Variants in EXD3 observed in about 807,000 individuals in gnomAD.
EXD3 encodes exonuclease mut-7 homolog.
A neutral mutation model predicts 98.0 loss-of-function variants in EXD3; 92 were observed. The ratio of observed to expected loss-of-function variants is 0.94; its 90% CI spans 0.79 to 1.12. EXD3 has a LOEUF of 1.12. EXD3 is among the 50% of genes most tolerant of loss of function. The probability of loss-of-function intolerance (pLI) is 0.00; values close to 1 mark genes in which losing one functional copy is unlikely to be tolerated. For synonymous variants in EXD3, 569 were observed against 526.0 expected, an observed-to-expected ratio of 1.08 and a Z score of -1.12; for missense variants, 1,222 against 1,191.6, an observed-to-expected ratio of 1.03 and a Z score of -0.38.
intron 12 of EXD3, 34 bp downstream of exon 12, chr9:137,352,032 C>T: frequency 6.3e-7 from 1 of 1,582,880 alleles, no homozygotes; most frequent in Non-Finnish European, 8.6e-7. Flanking sequence ...GGGATCCCAC[C>T]ACCGGGCGCT....
chr9:137,307,878 A>G (rs1275183338), intron 20 of EXD3, among the ~76,000 whole-genome samples: 1 of 152,000 alleles, frequency 6.6e-6, no homozygotes, highest in African/African-American at 2.4e-5. Context: ...TTGGGGCTCA[A>G]AGGTCCCTGG....
At chr9:137,352,225 G>C (rs748750866) in intron 11 of EXD3, 24 bp from the exon 12 acceptor site, 1 of 1,611,754 alleles carries the variant, frequency 6.2e-7, no homozygotes, top group African/African-American at 1.3e-5. Flanking sequence ...AGCTGGTAGC[G>C]CCCCCATGTC....
chr9:137,335,087 A>G (rs1319216623), intron 17 of EXD3, among the ~76,000 whole-genome samples: 1 of 152,010 alleles, frequency 6.6e-6, no homozygotes, highest in Non-Finnish European at 1.5e-5. Flanking sequence ...AAAAGGAAAA[A>G]AAAAAACAAA....
At chr9:137,326,273 C>T (rs567949581) in intron 17 of EXD3, among the ~76,000 whole-genome samples, 17 of 152,218 alleles carry the variant, frequency 1.1e-4, no homozygotes, top group East Asian at 5.8e-4. Context: ...GTGGAGACGT[C>T]GGTATTTGCA....
intron 12 of EXD3, 83 bp from the exon 13 acceptor site, chr9:137,351,611 T>C: frequency 3.0e-6 from 4 of 1,344,084 alleles, no homozygotes; most frequent in Non-Finnish European, 4.1e-6. Context: ...TGAGCAGCTC[T>C]GTGAGCTTGG....
intron 17 of EXD3, among the ~76,000 whole-genome samples, chr9:137,338,737 A>G (rs1199919436): frequency 2.0e-5 from 3 of 151,106 alleles, no homozygotes; most frequent in Non-Finnish European, 4.4e-5. Context: ...ATACAAAAAA[A>G]AAAAAAAAAG....
At chr9:137,352,956 G>A (rs74488676) in intron 10 of EXD3, 170 bp from the exon 11 acceptor site, 6 of 1,415,236 alleles carry the variant, frequency 4.2e-6, no homozygotes, top group Non-Finnish European at 5.5e-6. Flanking sequence ...TGAGGTCAAG[G>A]TTCCACAGGA....
At chr9:137,362,724 A>T (rs186996780) in intron 7 of EXD3, among the ~76,000 whole-genome samples, 3 of 152,156 alleles carry the variant, frequency 2.0e-5, no homozygotes, top group Admixed American at 2.0e-4. Flanking sequence ...AGATCTTTGT[A>T]TATTCTGGAT....
intron 1 of EXD3, among the ~76,000 whole-genome samples, chr9:137,400,029 CA>C (rs36029399): frequency 0.31 from 22,480 of 73,144 alleles, 1,547 homozygotes; most frequent in Middle Eastern, 0.42. Flanking sequence ...AACTCCATCT[CA>C]AAAAAAAAAA....
At position 137,307,216 on chromosome 9, in the gene EXD3, A is replaced by G; in HGVS notation, c.2365T>C (p.Cys789Arg). The change falls in exon 22 of 22, where the codon TGC becomes CGC. Residue 789 changes from cysteine (C) to arginine (R), a missense_variant. Physicochemically the swap from Cys to Arg is radical, Grantham distance 180 (BLOSUM62 -3). Transcript: ENST00000340951. The stretch of plus-strand genomic sequence containing the variant: ...AGGTCAGCCATCTGCAGCCAGCGGC[A>G]GGGGCGGTCATAGGTGCAGCCCTCA... ...APEGCTYDRP[C>R]RWLQMADLRA... 1 of 1,574,800 alleles carries G rather than the reference A, an allele frequency of 6.4e-7. No individual in the cohort carries two copies. Among genetic ancestry groups the G allele is most frequent in the Non-Finnish European group, 8.6e-7 (1 of 1,160,420 alleles).
At chr9:137,320,202 G>C (rs1375399914) in intron 19 of EXD3, among the ~76,000 whole-genome samples, 1 of 152,230 alleles carries the variant, frequency 6.6e-6, no homozygotes, top group Non-Finnish European at 1.5e-5. Flanking sequence ...GTGGGGCCAA[G>C]GCAGCCCCCC....
At chr9:137,363,458 C>T (rs1009831138) in intron 7 of EXD3, among the ~76,000 whole-genome samples, 2 of 151,374 alleles carry the variant, frequency 1.3e-5, no homozygotes, top group Non-Finnish European at 1.5e-5. Context: ...CTGCCTCAGC[C>T]TCTTGAGTAG....
At chr9:137,350,954 G>A (rs529965985) in intron 14 of EXD3, 84 bp downstream of exon 14, 170 of 1,103,050 alleles carry the variant, frequency 1.5e-4, no homozygotes, top group Non-Finnish European at 5.0e-5. Flanking sequence ...GCCCAGGGCC[G>A]CTGGGAAGGT....
At chr9:137,381,102 A>ACG (rs1453676121) in intron 3 of EXD3, 1 of 143,812 alleles carries the variant, frequency 7.0e-6, no homozygotes, top group African/African-American at 2.5e-5. Flanking sequence ...TCTGTCTCAC[A>ACG]CACACACACA....
chr9:137,343,812 T>G (rs1833777895), intron 17 of EXD3, among the ~76,000 whole-genome samples: 1 of 150,156 alleles, frequency 6.7e-6, no homozygotes, highest in Admixed American at 6.7e-5. Flanking sequence ...GTGGTCTTGA[T>G]CTCCTAACCT....
At chr9:137,418,004 C>CT (rs1466510591) in intron 1 of EXD3, among the ~76,000 whole-genome samples, 1 of 152,120 alleles carries the variant, frequency 6.6e-6, no homozygotes, top group Non-Finnish European at 1.5e-5. Flanking sequence ...CGAGGACCCC[C>CT]GGGGCTGGCA....
At chr9:137,412,676 C>G (rs980655180) in intron 1 of EXD3, among the ~76,000 whole-genome samples, 1 of 152,216 alleles carries the variant, frequency 6.6e-6, no homozygotes, top group Admixed American at 6.5e-5. Context: ...GCCGGGGCCC[C>G]TCGGGAGGGA....
intron 3 of EXD3, chr9:137,374,745 T>C (rs1835808982): frequency 1.0e-6 from 1 of 985,344 alleles, no homozygotes; most frequent in Non-Finnish European, 1.2e-6. Flanking sequence ...GAAAGGCAGC[T>C]TCTCTGTCCC....
In EXD3 at chr9:137,350,935, G is replaced by A. The variant is rs544460400; in HGVS notation, c.1494+103C>T. On this transcript the variant is annotated intron_variant, in intron 14 of 21. Coordinates refer to ENST00000340951, the MANE Select transcript of EXD3 (RefSeq NM_017820.5). The stretch of plus-strand genomic sequence containing the variant: ...CTGAGGCTGTGCTGACAGGAATCCG[G>A]CGGGAGAAGCCCAGGGCCGCTGGGA... 6.7e-6 allele frequency: 6 copies of A among 889,380 alleles called. No individual in the cohort carries two copies. In the Admixed American group the frequency reaches 1.2e-4, roughly 17 times the overall value. 55.1% of individuals were successfully genotyped at this position (889,380 alleles called of 1,614,324 possible). A position where few individuals can be genotyped will look rare whatever the true frequency, so the allele number is the denominator to read the frequency against.
Sources: gnomAD v4.1 joint callset for allele counts (sites outside exome capture counted in the v4.1 genomes callset) on GRCh38, gnomAD v4.1.1 for gene constraint, MANE v1.5 for transcripts, NCBI Gene and HGNC (gene_info 2026-07-23, HGNC 2026-07-21) for gene names.